The following PLCE1 variants were observed in gnomAD, a reference collection of about 807,000 sequenced individuals.
The protein encoded by PLCE1 is 1-phosphatidylinositol 4,5-bisphosphate phosphodiesterase epsilon-1.
A neutral mutation model predicts 242.8 loss-of-function variants in PLCE1; 119 were observed. That is an observed-to-expected ratio of 0.49 (90% confidence interval 0.42 to 0.57). PLCE1 has a LOEUF of 0.57. Ranked by LOEUF, PLCE1 falls within the 20% of genes least tolerant of loss-of-function variation. The pLI, the probability that PLCE1 is intolerant of heterozygous loss-of-function variation, is 0.00. For missense variants in PLCE1, 2,441 were observed against 2,788.8 expected (o/e 0.88, Z 2.81); for synonymous variants, 945 against 1,017.4 (o/e 0.93, Z 1.35).
Position 94,030,877 on chromosome 10 carries a change from A to C in PLCE1, c.-170A>C. On this transcript the variant is annotated 5_prime_UTR_variant, in exon 2 of 33. Coordinates refer to ENST00000371380, the MANE Select transcript of PLCE1 (RefSeq NM_016341.4). The stretch of plus-strand genomic sequence containing the variant: ...TCATGATAGGAAGTTATAACTAAGA[A>C]AATTTATTTGCCTCTTAATGCTCCT... 1 of 664,854 alleles carries C rather than the reference A, an allele frequency of 1.5e-6. No individual in the cohort carries two copies. The highest frequency in any genetic ancestry group is 2.7e-5 in the East Asian group (1 of 37,060). The allele number at this position is 664,854 out of a possible 1,614,324, so 41.2% of individuals were successfully genotyped here. A position where few individuals can be genotyped will look rare whatever the true frequency, so the allele number is the denominator to read the frequency against.
intron 2 of PLCE1, chr10:94,104,986 A>C (rs1360516158): frequency 6.6e-6 from 1 of 152,202 alleles, no homozygotes; most frequent in South Asian, 2.1e-4. Context: ...TATCCTGCAC[A>C]TCTGAATCCT....
chr10:94,175,536 A>G (rs61026478), intron 4 of PLCE1, among the ~76,000 whole-genome samples: 3,424 of 152,258 alleles, frequency 0.022, 149 homozygotes, highest in African/African-American at 0.077. Context: ...GGTATCCATC[A>G]TCTCAAGTAC....
At chr10:94,095,326 T>TTCTTTC (rs112923519) in intron 2 of PLCE1, among the ~76,000 whole-genome samples, 3 of 151,352 alleles carry the variant, frequency 2.0e-5, no homozygotes, top group African/African-American at 7.3e-5. Flanking sequence ...TTCAATTTCT[T>TTCTTTC]TCTTTCTTTC....
Position 94,194,582 on chromosome 10 carries a change from G to A in PLCE1, c.1809+23086G>A, listed in dbSNP as rs550590278. On this transcript the variant is annotated intron_variant, in intron 4 of 32. Transcript: ENST00000371380. Reference sequence around the variant, plus strand: ...TGTTCACTTAGTGCACAAGACAGTAGCCCTGGGTAAGAGCCCTGGCTCAGA... The same window carrying A: ...TGTTCACTTAGTGCACAAGACAGTAACCCTGGGTAAGAGCCCTGGCTCAGA... Among the ~76,000 whole-genome samples, 7 of 152,332 alleles carry A rather than the reference G, an allele frequency of 4.6e-5. No homozygotes were observed. The East Asian group carries it at 1.2e-3, about 25-fold the overall frequency.
chr10:94,155,463 G>T (rs1241826694), intron 3 of PLCE1, among the ~76,000 whole-genome samples: 1 of 152,152 alleles, frequency 6.6e-6, no homozygotes, highest in African/African-American at 2.4e-5. Flanking sequence ...ACTAGTGGTT[G>T]TCAGGGCCTG....
chr10:93,994,011 G>A lies in PLCE1; in HGVS notation c.-612G>A, dbSNP rs1283881391. Among the ~76,000 whole-genome samples the A allele has an allele frequency of 6.6e-6, 1 of 151,672 alleles. No homozygotes were observed. The highest frequency in any genetic ancestry group is 2.4e-5 in the African/African-American group (1 of 41,406). The stretch of plus-strand genomic sequence containing the variant: ...TAACGCTGGGCAACGTGGGCAACGC[G>A]GCGGGCGGCGGGCTCGCGCGGCGGG... On this transcript the variant is annotated 5_prime_UTR_variant, in exon 1 of 33. Transcript: ENST00000371380.
rs1276221216 is a variant in PLCE1, at chr10:94,332,639, A to C, written c.*4696A>C. 6.6e-6 allele frequency: 1 copy of C among 151,974 alleles called. No individual in the cohort carries two copies. The highest frequency in any genetic ancestry group is 1.5e-5 in the Non-Finnish European group (1 of 68,014). 9.4% of individuals were successfully genotyped at this position (151,974 alleles called of 1,614,324 possible). On this transcript the variant is annotated 3_prime_UTR_variant, in exon 33 of 33. Coordinates refer to ENST00000371380, the MANE Select transcript of PLCE1 (RefSeq NM_016341.4). ...TAGGATACTCAAATATAGATGTATA[A>C]TTTTGTAGTCCCACTGTGATTCTCC...
At chr10:94,295,689 C>T (rs1477047067) in intron 23 of PLCE1, among the ~76,000 whole-genome samples, 3 of 152,196 alleles carry the variant, frequency 2.0e-5, no homozygotes, top group Non-Finnish European at 2.9e-5. Flanking sequence ...GAATCACAAC[C>T]TATGGAAGCT....
In PLCE1 at chr10:94,298,347, C is replaced by T; in HGVS notation, c.5168-32C>T. The T allele has an allele frequency of 6.2e-7, 1 of 1,604,274 alleles. No individual in the cohort carries two copies. The highest frequency in any genetic ancestry group is 8.5e-7 in the Non-Finnish European group (1 of 1,171,082). The stretch of plus-strand genomic sequence containing the variant: ...TCTAAAATATTTAAAGTTTTCTACA[C>T]TAATCTGCGGCTAATTTCTTGGGGG... On this transcript the variant is annotated intron_variant, in intron 23 of 32. Coordinates refer to ENST00000371380, the MANE Select transcript of PLCE1 (RefSeq NM_016341.4). The surrounding 1 kb of genome is among the most constrained non-coding windows in gnomAD (Gnocchi z 5.2).
At chr10:94,199,968 C>G (rs1039119904) in intron 4 of PLCE1, among the ~76,000 whole-genome samples, 4 of 152,106 alleles carry the variant, frequency 2.6e-5, no homozygotes, top group African/African-American at 9.7e-5. Flanking sequence ...CAACTTTTTT[C>G]AAATTTGAAA....
chr10:94,288,839 C>T (rs1199208873), intron 22 of PLCE1, among the ~76,000 whole-genome samples: 1 of 152,194 alleles, frequency 6.6e-6, no homozygotes. Context: ...ATTTTCTCAG[C>T]ACTGAGAGAC....
intron 4 of PLCE1, among the ~76,000 whole-genome samples, chr10:94,173,323 G>A (rs1311367545): frequency 6.6e-6 from 1 of 152,166 alleles, no homozygotes; most frequent in East Asian, 1.9e-4. Flanking sequence ...ATCTCTGGGA[G>A]TCCACATGAG....
At position 94,306,657 on chromosome 10, in the gene PLCE1, G is replaced by A. The variant is rs2053217857; in HGVS notation, c.5853G>A (p.Gln1951=). 2 of 1,614,068 alleles carry A rather than the reference G, an allele frequency of 1.2e-6. No individual in the cohort carries two copies. Among genetic ancestry groups the A allele is most frequent in the East Asian group, 4.5e-5 (2 of 44,874 alleles). ...VENNSSAVTA[Q]RIIPLKALKR... The stretch of plus-strand genomic sequence containing the variant: ...ACAATAGTTCAGCGGTAACTGCTCA[G>A]AGAATCATTCCACTGAAAGCTTTAA... The change falls in exon 26 of 33, where the codon CAG becomes CAA. Residue 1951 remains glutamine (Q), a synonymous_variant. Coordinates refer to ENST00000371380, the MANE Select transcript of PLCE1 (RefSeq NM_016341.4). The surrounding 1 kb of genome is among the most constrained non-coding windows in gnomAD (Gnocchi z 5.7).
chr10:94,253,169 C>G (rs1323587416), intron 9 of PLCE1, among the ~76,000 whole-genome samples: 1 of 152,090 alleles, frequency 6.6e-6, no homozygotes, highest in African/African-American at 2.4e-5. Flanking sequence ...ATACTTGAGG[C>G]TGGGTAATTT....
At chr10:94,181,821 G>A (rs2048321319) in intron 4 of PLCE1, among the ~76,000 whole-genome samples, 1 of 124,968 alleles carries the variant, frequency 8.0e-6, no homozygotes, top group Non-Finnish European at 1.6e-5. Context: ...GGGAGGCTGA[G>A]GTGGGAGGAA....
chr10:94,165,102 C>T (rs1279167492), intron 3 of PLCE1, among the ~76,000 whole-genome samples: 1 of 152,240 alleles, frequency 6.6e-6, no homozygotes. Flanking sequence ...CTTGAGGAGG[C>T]AGTCTGTCTG....
intron 4 of PLCE1, among the ~76,000 whole-genome samples, chr10:94,204,748 GAGGAAGGA>G (rs573954218): frequency 8.2e-5 from 10 of 122,346 alleles, no homozygotes; most frequent in African/African-American, 3.3e-4. Context: ...AGAAGGGAGG[GAGGAAGGA>G]AGGAAGGAAG....
In PLCE1 at chr10:94,328,985, T is replaced by C. The variant is rs2054125132; in HGVS notation, c.*1042T>C. On this transcript the variant is annotated 3_prime_UTR_variant, in exon 33 of 33. Transcript: ENST00000371380. ...GATTGAGTTGGCGTTTAAATTTATT[T>C]TGCAAGGTTTGTACTGACACTATAC... is the stretch of plus-strand genomic sequence containing the variant. 1 of 152,244 alleles carries C rather than the reference T, an allele frequency of 6.6e-6. No individual in the cohort carries two copies. Among genetic ancestry groups the C allele is most frequent in the Admixed American group, 6.5e-5 (1 of 15,282 alleles). 9.4% of individuals were successfully genotyped at this position (152,244 alleles called of 1,614,324 possible).
chr10:94,138,596 G>T, intron 3 of PLCE1: 1 of 433,974 alleles, frequency 2.3e-6, no homozygotes, highest in South Asian at 1.9e-5. Flanking sequence ...ACATCAAAGG[G>T]CATGTCAAGT....
Sources: gnomAD v4.1 joint callset for allele counts (sites outside exome capture counted in the v4.1 genomes callset) on GRCh38, gnomAD v4.1.1 for gene constraint, Gnocchi (gnomAD v3.1) non-coding constraint, MANE v1.5 for transcripts, NCBI Gene and HGNC (gene_info 2026-07-23, HGNC 2026-07-21) for gene names.